SEMA6D: variants seen among roughly 807,000 people sequenced by gnomAD.
SEMA6D encodes semaphorin 6D.
In SEMA6D, 35 loss-of-function variants were observed where a neutral mutation model predicts 106.6. The ratio of observed to expected loss-of-function variants is 0.33; its 90% CI spans 0.25 to 0.44. The LOEUF (loss-of-function observed/expected upper bound fraction) is 0.44. Ranked by LOEUF, SEMA6D falls within the 20% of genes least tolerant of loss-of-function variation. The pLI, the probability that SEMA6D is intolerant of heterozygous loss-of-function variation, is 1.00. For missense variants in SEMA6D, 1,185 were observed against 1,345.9 expected (o/e 0.88, Z 1.87); for synonymous variants, 499 against 487.7 (o/e 1.02, Z -0.31).
intron 1 of SEMA6D, among the ~76,000 whole-genome samples, chr15:47,391,825 G>T (rs1293954215): frequency 6.6e-6 from 1 of 151,860 alleles, no homozygotes; most frequent in Non-Finnish European, 1.5e-5. Flanking sequence ...TTTGATAGTT[G>T]GTACATTTTT....
chr15:47,698,475 C>A (rs1414476022), intron 4 of SEMA6D, among the ~76,000 whole-genome samples: 1 of 152,164 alleles, frequency 6.6e-6, no homozygotes, highest in Non-Finnish European at 1.5e-5. Context: ...CTACTAAAAT[C>A]TTCCTACCAG....
intron 2 of SEMA6D, among the ~76,000 whole-genome samples, chr15:47,469,347 T>C (rs979122792): frequency 5.4e-5 from 8 of 146,972 alleles, no homozygotes; most frequent in African/African-American, 2.2e-4. Context: ...TGTGCGTGTG[T>C]GTGTGTGTGT....
chr15:47,639,360 A>C (rs1490277642), intron 4 of SEMA6D, among the ~76,000 whole-genome samples: 1 of 152,224 alleles, frequency 6.6e-6, no homozygotes. Flanking sequence ...TAAAACCCAA[A>C]ATATAAAATA....
At position 47,770,953 on chromosome 15, in the gene SEMA6D, G is replaced by A; in HGVS notation, c.2390G>A (p.Gly797Asp). The change falls in exon 19 of 19, where the codon GGC becomes GAC. Residue 797 changes from glycine (G) to aspartate (D), a missense_variant. This residue lies in a region of SEMA6D where 750 missense variants were observed against 783.5 expected (regional missense o/e 0.96). Transcript: ENST00000536845. ...AMKSHSEKAH[G>D]HGASRKETPQ... The stretch of plus-strand genomic sequence containing the variant: ...AAGAGCCACTCAGAAAAGGCCCATG[G>A]CCATGGAGCTTCAAGGAAAGAAACC... The A allele has an allele frequency of 2.5e-6, 4 of 1,614,084 alleles. No individual in the cohort carries two copies. The highest frequency in any genetic ancestry group is 3.4e-6 in the Non-Finnish European group (4 of 1,179,992).
chr15:47,561,206 T>C, intron 3 of SEMA6D, among the ~76,000 whole-genome samples: 1 of 151,998 alleles, frequency 6.6e-6, no homozygotes, highest in Non-Finnish European at 1.5e-5. Context: ...AGGCGGTTTA[T>C]GGCCAAAGAA....
intron 1 of SEMA6D, among the ~76,000 whole-genome samples, chr15:47,261,099 G>C (rs1163052313): frequency 6.6e-6 from 1 of 152,190 alleles, no homozygotes; most frequent in Admixed American, 6.5e-5. Flanking sequence ...ATGAGGAACA[G>C]GGAGAAATAA....
intron 2 of SEMA6D, among the ~76,000 whole-genome samples, chr15:47,466,404 A>C (rs140219069): frequency 2.0e-4 from 30 of 152,230 alleles, no homozygotes; most frequent in Admixed American, 1.0e-3. Flanking sequence ...GAGATCATGC[A>C]GTATTTGTCT....
chr15:47,234,537 C>A (rs911122813), intron 1 of SEMA6D, among the ~76,000 whole-genome samples: 2 of 151,778 alleles, frequency 1.3e-5, no homozygotes, highest in African/African-American at 2.4e-5. Flanking sequence ...CTTGTTATAC[C>A]ACTCTGTATG....
chr15:47,601,187 CTT>C (rs1412006038), intron 4 of SEMA6D, among the ~76,000 whole-genome samples: 1 of 152,146 alleles, frequency 6.6e-6, no homozygotes, highest in Non-Finnish European at 1.5e-5. Flanking sequence ...ACAGCAGACT[CTT>C]TGTCTCTGAT....
At chr15:47,450,140 A>G (rs2042144443) in intron 2 of SEMA6D, among the ~76,000 whole-genome samples, 1 of 152,156 alleles carries the variant, frequency 6.6e-6, no homozygotes, top group South Asian at 2.1e-4. Flanking sequence ...AGACCCTCCC[A>G]AGGTGGGCTC....
intron 1 of SEMA6D, among the ~76,000 whole-genome samples, chr15:47,265,976 C>G (rs1203857535): frequency 6.6e-6 from 1 of 152,106 alleles, no homozygotes; most frequent in Non-Finnish European, 1.5e-5. Context: ...AGCTCCACTA[C>G]TTGCTGGCTG....
intron 1 of SEMA6D, among the ~76,000 whole-genome samples, chr15:47,236,423 TC>T (rs1449908263): frequency 3.3e-5 from 5 of 152,130 alleles, no homozygotes; most frequent in African/African-American, 9.7e-5. Context: ...ATATTATGAC[TC>T]ATAGCATTTT....
intron 3 of SEMA6D, among the ~76,000 whole-genome samples, chr15:47,529,869 C>T (rs1263647521): frequency 1.3e-5 from 2 of 152,122 alleles, no homozygotes; most frequent in African/African-American, 4.8e-5. Context: ...CCATTTGCTG[C>T]CAGTTTGAAA....
chr15:47,319,908 A>T (rs948627500), intron 1 of SEMA6D, among the ~76,000 whole-genome samples: 2 of 152,080 alleles, frequency 1.3e-5, no homozygotes, highest in Non-Finnish European at 2.9e-5. Context: ...TTGGCAATTC[A>T]TCAATTACAG....
chr15:47,386,696 A>G (rs2039850760), intron 1 of SEMA6D, among the ~76,000 whole-genome samples: 1 of 152,142 alleles, frequency 6.6e-6, no homozygotes, highest in Admixed American at 6.5e-5. Flanking sequence ...CTCTGGGAAC[A>G]CCTGGTGCCA....
At position 47,289,393 on chromosome 15, in the gene SEMA6D, C is replaced by CAAAAAAAA. The variant is rs746946975; in HGVS notation, c.-239+104991_-239+104998dup. Among the ~76,000 whole-genome samples the CAAAAAAAA allele has an allele frequency of 4.9e-4, 23 of 46,504 alleles. 1 individual carries two copies. The highest frequency in any genetic ancestry group is 1.9e-3 in the South Asian group (2 of 1,050). 30.5% of individuals were successfully genotyped at this position (46,504 alleles called of 152,430 possible). ...TGGGTGACAGAGCAAAACTCCATCT[C>CAAAAAAAA]AAAAAAAAAAAAAAAAAAAAAAAGA... On this transcript the variant is annotated intron_variant, in intron 1 of 19. Coordinates refer to the SEMA6D transcript ENST00000558014.
chr15:47,249,918 T>A (rs1390545583), intron 1 of SEMA6D, among the ~76,000 whole-genome samples: 2 of 152,152 alleles, frequency 1.3e-5, no homozygotes, highest in African/African-American at 2.4e-5. Flanking sequence ...TCTGGGTCAG[T>A]GACAGTCTCG....
intron 4 of SEMA6D, among the ~76,000 whole-genome samples, chr15:47,701,054 G>A (rs970966309): frequency 6.6e-6 from 1 of 152,140 alleles, no homozygotes; most frequent in Non-Finnish European, 1.5e-5. Context: ...TTTAGATACA[G>A]CACCAAAGGC....
chr15:47,249,235 A>G (rs1423466259), intron 1 of SEMA6D, among the ~76,000 whole-genome samples: 1 of 152,126 alleles, frequency 6.6e-6, no homozygotes, highest in African/African-American at 2.4e-5. Context: ...CTCAAAAACA[A>G]ACAAACAAAC....
Sources: gnomAD v4.1 joint callset for allele counts (sites outside exome capture counted in the v4.1 genomes callset) on GRCh38, gnomAD v4.1.1 for gene constraint, gnomAD v4.1.1 regional missense constraint, MANE v1.5 for transcripts, NCBI Gene and HGNC (gene_info 2026-07-23, HGNC 2026-07-21) for gene names.